Variants in PRKD2 observed in about 807,000 individuals in gnomAD.
PRKD2 encodes the protein protein kinase D2.
A neutral mutation model predicts 86.0 loss-of-function variants in PRKD2; 22 were observed. That is an observed-to-expected ratio of 0.26 (90% CI 0.18 to 0.37). The LOEUF is 0.37. Among genes scored for constraint, PRKD2 ranks in the 10% least tolerant of loss-of-function variants. PRKD2 has a pLI of 1.00. For missense variants in PRKD2, 818 were observed against 1,199.2 expected (o/e 0.68, Z 4.70); for synonymous variants, 509 against 510.9 (o/e 1.00, Z 0.05).
At position 46,684,487 on chromosome 19, in the gene PRKD2, A is replaced by G. The variant is rs142670888; in HGVS notation, c.1972-2739T>C. The stretch of plus-strand genomic sequence containing the variant: ...CAGGTGAATGCCACCACACCTGGCT[A>G]ATTTTTGTATTATTAGTAAAGATGG... On this transcript the variant is annotated intron_variant, in intron 14 of 17. Transcript: ENST00000291281. Among the ~76,000 whole-genome samples, 629 of 151,976 alleles carry G rather than the reference A, an allele frequency of 4.1e-3. 6 individuals carry two copies. Among genetic ancestry groups the G allele is most frequent in the African/African-American group, 0.014 (588 of 41,512 alleles).
In PRKD2 at chr19:46,710,753, G is replaced by T. The variant is rs1294337258; in HGVS notation, c.511+154C>A. 1.2e-5 allele frequency: 11 copies of T among 887,076 alleles called. No individual in the cohort carries two copies. The East Asian group carries it at 3.0e-4, about 24-fold the overall frequency. 55.0% of individuals were successfully genotyped at this position (887,076 alleles called of 1,614,324 possible). Reference sequence around the variant, plus strand: ...CTCCTTCCCCAAGCTCTGCTTCTGGGCCCATCCTTCTTCCCATTATTACTT... The same window carrying T: ...CTCCTTCCCCAAGCTCTGCTTCTGGTCCCATCCTTCTTCCCATTATTACTT... On this transcript the variant is annotated intron_variant, in intron 3 of 17. Transcript: ENST00000291281.
intron 2 of PRKD2, among the ~76,000 whole-genome samples, chr19:46,713,186 C>CTTT (rs59172459): frequency 7.9e-4 from 94 of 119,012 alleles, no homozygotes; most frequent in African/African-American, 2.9e-3. Context: ...GCCCGGTTAA[C>CTTT]TTTTTTTTTT....
At chr19:46,689,782 C>CA (rs1395078405) in intron 13 of PRKD2, 84 bp from the exon 14 acceptor site, 6 of 1,499,384 alleles carry the variant, frequency 4.0e-6, no homozygotes, top group African/African-American at 1.4e-5. Context: ...AGGAGGATGA[C>CA]AAACAAGGAG....
intron 3 of PRKD2, among the ~76,000 whole-genome samples, chr19:46,707,855 G>A (rs150744752): frequency 1.3e-5 from 2 of 152,212 alleles, no homozygotes; most frequent in Non-Finnish European, 2.9e-5. Context: ...CCAGCACTGT[G>A]GGAGGGCAAG....
chr19:46,705,786 C>CA (rs113746036), intron 3 of PRKD2, among the ~76,000 whole-genome samples: 76,060 of 143,942 alleles, frequency 0.53, 19,954 homozygotes, highest in Middle Eastern at 0.65. Flanking sequence ...GACTCAGTTT[C>CA]AAAAAAAAAA....
At chr19:46,707,894 C>T (rs1174307516) in intron 3 of PRKD2, among the ~76,000 whole-genome samples, 4 of 151,722 alleles carry the variant, frequency 2.6e-5, no homozygotes, top group African/African-American at 9.7e-5. Context: ...GTCAGGAGTT[C>T]AAGACCAGCC....
chr19:46,686,821 G>C (rs2053405586), intron 14 of PRKD2, among the ~76,000 whole-genome samples: 2 of 151,674 alleles, frequency 1.3e-5, no homozygotes, highest in Admixed American at 1.3e-4. Context: ...CGTGGTGGTG[G>C]GCACCTGTAG....
At chr19:46,707,420 C>T (rs1437269474) in intron 3 of PRKD2, among the ~76,000 whole-genome samples, 2 of 151,818 alleles carry the variant, frequency 1.3e-5, no homozygotes, top group Non-Finnish European at 2.9e-5. Flanking sequence ...GGTGAAACCC[C>T]GTCTACTAAA....
chr19:46,701,557 T>C (rs956227395), intron 5 of PRKD2, among the ~76,000 whole-genome samples: 3 of 151,784 alleles, frequency 2.0e-5, no homozygotes, highest in African/African-American at 7.3e-5. Context: ...TTCGCCATGT[T>C]GGTCAGGCTG....
intron 15 of PRKD2, among the ~76,000 whole-genome samples, chr19:46,681,220 T>C (rs2053301465): frequency 6.6e-6 from 1 of 150,522 alleles, no homozygotes; most frequent in Non-Finnish European, 1.5e-5. Context: ...CCTCCCAAAG[T>C]GCTGGGATTA....
intron 15 of PRKD2, among the ~76,000 whole-genome samples, chr19:46,680,942 A>G (rs1013513561): frequency 2.1e-5 from 1 of 48,176 alleles, no homozygotes; most frequent in African/African-American, 6.7e-5. Context: ...ATATATATAT[A>G]TATATTTTTT....
intron 2 of PRKD2, among the ~76,000 whole-genome samples, chr19:46,712,136 C>T (rs2053818536): frequency 6.6e-6 from 1 of 151,058 alleles, no homozygotes; most frequent in African/African-American, 2.4e-5. Flanking sequence ...CCAGCCACCT[C>T]AGGAGGCTGA....
chr19:46,697,312 T>A, intron 8 of PRKD2, 78 bp from the exon 9 acceptor site: 1 of 1,132,606 alleles, frequency 8.8e-7, no homozygotes, highest in East Asian at 2.4e-5. Context: ...TGCTTGGGGC[T>A]CCAGGTGCCT....
intron 16 of PRKD2, chr19:46,677,538 C>T (rs1054604759): frequency 5.2e-5 from 8 of 152,690 alleles, no homozygotes; most frequent in African/African-American, 1.4e-4. Context: ...ACCCCAGTAT[C>T]TTAGCCCTGC....
At chr19:46,699,820 C>A (rs925611558) in intron 7 of PRKD2, among the ~76,000 whole-genome samples, 1 of 150,390 alleles carries the variant, frequency 6.6e-6, no homozygotes, top group Non-Finnish European at 1.5e-5. Flanking sequence ...CAGTGGCACA[C>A]ACCTGTAATC....
chr19:46,711,666 T>C (rs1340247112), intron 2 of PRKD2, among the ~76,000 whole-genome samples: 1 of 152,188 alleles, frequency 6.6e-6, no homozygotes, highest in Admixed American at 6.5e-5. Context: ...GTGTTGGGAT[T>C]ACAGGCGTGA....
At position 46,716,523 on chromosome 19, in the gene PRKD2, G is replaced by T; in HGVS notation, c.-153C>A. 2.0e-6 allele frequency: 1 copy of T among 504,990 alleles called. No homozygotes were observed. The highest frequency in any genetic ancestry group is 3.2e-5 in the South Asian group (1 of 31,722). The allele number at this position is 504,990 out of a possible 1,614,324, so 31.3% of individuals were successfully genotyped here. A position where few individuals can be genotyped will look rare whatever the true frequency, so the allele number is the denominator to read the frequency against. The stretch of plus-strand genomic sequence containing the variant: ...GATCTGGCAGGCGGAGGGGACCTGA[G>T]GATGGCGGGGTCCTGGGAAGGAGAG... On this transcript the variant is annotated 5_prime_UTR_variant, in exon 1 of 18. Transcript: ENST00000291281. The surrounding 1 kb of genome is among the most constrained non-coding windows in gnomAD (Gnocchi z 7.9).
chr19:46,716,039 C>T lies in PRKD2; in HGVS notation c.240+92G>A. ...CACCCAAAGCTCAGGTCTCCTTCCTCCCTCTTCCGCACACCAGGCCCCAGA... is the reference window on the plus strand; with the variant it reads ...CACCCAAAGCTCAGGTCTCCTTCCTTCCTCTTCCGCACACCAGGCCCCAGA... On this transcript the variant is annotated intron_variant, in intron 1 of 17. Transcript: ENST00000291281. This position sits in a 1 kb window ranked among gnomAD's most constrained non-coding sequence, Gnocchi z 7.9. The T allele has an allele frequency of 6.6e-7, 1 of 1,520,294 alleles. No homozygotes were observed. The highest frequency in any genetic ancestry group is 8.8e-7 in the Non-Finnish European group (1 of 1,134,758). 94.2% of individuals were successfully genotyped at this position (1,520,294 alleles called of 1,614,324 possible).
chr19:46,708,301 TG>T (rs1171704497), intron 3 of PRKD2, among the ~76,000 whole-genome samples: 1 of 143,904 alleles, frequency 6.9e-6, no homozygotes, highest in Non-Finnish European at 1.5e-5. Context: ...CCAATGGGAC[TG>T]GTGACCTTTT....
Sources: gnomAD v4.1 joint callset for allele counts (sites outside exome capture counted in the v4.1 genomes callset) on GRCh38, gnomAD v4.1.1 for gene constraint, Gnocchi (gnomAD v3.1) non-coding constraint, MANE v1.5 for transcripts, NCBI Gene and HGNC (gene_info 2026-07-23, HGNC 2026-07-21) for gene names.